Variants in HIGD1A observed in about 807,000 individuals in gnomAD.
HIGD1A encodes HIG1 domain family member 1A, mitochondrial.
In HIGD1A, 8 loss-of-function variants were observed where a neutral mutation model predicts 11.3. The ratio of observed to expected loss-of-function variants is 0.71; its 90% CI spans 0.42 to 1.28. The LOEUF is 1.28. Among genes scored for constraint, HIGD1A ranks in the 50% most tolerant of loss-of-function variants. The probability of loss-of-function intolerance (pLI) is 0.01; values close to 1 mark genes in which losing one functional copy is unlikely to be tolerated. For missense variants in HIGD1A, 107 were observed against 118.8 expected (o/e 0.90, Z 0.46); for synonymous variants, 32 against 38.4 (o/e 0.83, Z 0.62).
intron 2 of HIGD1A, among the ~76,000 whole-genome samples, chr3:42,792,315 C>T (rs1700429989): frequency 6.6e-6 from 1 of 152,002 alleles, no homozygotes; most frequent in South Asian, 2.1e-4. Context: ...AAATTTCTAC[C>T]AAGAGGATTA....
intron 2 of HIGD1A, among the ~76,000 whole-genome samples, chr3:42,787,601 A>AG (rs1416040220): frequency 2.8e-5 from 4 of 140,818 alleles, no homozygotes; most frequent in African/African-American, 1.0e-4. Context: ...AAAAATATAT[A>AG]TATATATATA....
intron 2 of HIGD1A, among the ~76,000 whole-genome samples, chr3:42,790,071 T>C (rs1222860435): frequency 1.3e-5 from 2 of 152,104 alleles, no homozygotes; most frequent in African/African-American, 4.8e-5. Flanking sequence ...AAGTTCCCTT[T>C]AAAGATCAGA....
intron 1 of HIGD1A, among the ~76,000 whole-genome samples, chr3:42,800,835 A>G (rs1700548551): frequency 6.6e-6 from 1 of 152,106 alleles, no homozygotes; most frequent in Non-Finnish European, 1.5e-5. Context: ...GTCCTTTAAA[A>G]AAAAAAAAAG....
intron 2 of HIGD1A, among the ~76,000 whole-genome samples, chr3:42,792,325 A>G (rs567111990): frequency 6.6e-6 from 1 of 152,358 alleles, no homozygotes; most frequent in South Asian, 2.1e-4. Context: ...CAAGAGGATT[A>G]TAATAATGTT....
At chr3:42,793,547 T>C (rs1294406912) in intron 2 of HIGD1A, among the ~76,000 whole-genome samples, 1 of 152,266 alleles carries the variant, frequency 6.6e-6, no homozygotes, top group Non-Finnish European at 1.5e-5. Context: ...CTTTAACCTA[T>C]ATCCCATTGC....
chr3:42,794,338 A>C (rs1559677195), intron 1 of HIGD1A, 63 bp from the exon 2 acceptor site: 6 of 1,404,338 alleles, frequency 4.3e-6, no homozygotes, highest in Non-Finnish European at 1.9e-6. Context: ...AAATATCTGG[A>C]TGTATTTAAA....
chr3:42,785,432 A>T, intron 3 of HIGD1A, 112 bp from the exon 4 acceptor site: 1 of 806,964 alleles, frequency 1.2e-6, no homozygotes, highest in South Asian at 1.6e-5. Context: ...TGGAATATTT[A>T]CAAGGGGAAT....
intron 2 of HIGD1A, among the ~76,000 whole-genome samples, chr3:42,789,319 A>T (rs1178608687): frequency 1.3e-5 from 2 of 152,196 alleles, no homozygotes; most frequent in East Asian, 3.9e-4. Flanking sequence ...CTGGGATTAT[A>T]GGTGTGAACC....
At chr3:42,796,883 T>TGG (rs1432275468) in intron 1 of HIGD1A, among the ~76,000 whole-genome samples, 1 of 676 alleles carries the variant, frequency 1.5e-3, no homozygotes, top group African/African-American at 1.5e-3. Context: ...ATAACTTCCG[T>TGG]CCCTCTCCCT....
intron 1 of HIGD1A, among the ~76,000 whole-genome samples, chr3:42,796,108 G>A (rs533124391): frequency 6.6e-6 from 1 of 152,262 alleles, no homozygotes; most frequent in South Asian, 2.1e-4. Flanking sequence ...GGGAGTCAGT[G>A]GCAGTTAAGG....
chr3:42,785,681 A>G (rs1012043744), intron 3 of HIGD1A, among the ~76,000 whole-genome samples: 2 of 152,232 alleles, frequency 1.3e-5, no homozygotes, highest in Non-Finnish European at 2.9e-5. Context: ...TGTAATACCT[A>G]AACTTTAAGA....
At chr3:42,793,260 C>T (rs1345127009) in intron 2 of HIGD1A, among the ~76,000 whole-genome samples, 5 of 152,074 alleles carry the variant, frequency 3.3e-5, no homozygotes, top group Non-Finnish European at 7.4e-5. Context: ...GTTTTAACTG[C>T]ATATTAAATG....
intron 2 of HIGD1A, among the ~76,000 whole-genome samples, chr3:42,789,089 G>C (rs1297769333): frequency 8.0e-6 from 1 of 124,358 alleles, no homozygotes; most frequent in African/African-American, 3.1e-5. Context: ...CACCCAGGCT[G>C]GAGTGCAGTG....
chr3:42,787,798 C>G (rs1437604648), intron 2 of HIGD1A, among the ~76,000 whole-genome samples: 1 of 150,328 alleles, frequency 6.7e-6, no homozygotes. Context: ...CAGAATTGCA[C>G]GGCACCATTA....
At chr3:42,788,734 C>A (rs1278537770) in intron 2 of HIGD1A, among the ~76,000 whole-genome samples, 2 of 151,736 alleles carry the variant, frequency 1.3e-5, no homozygotes, top group Non-Finnish European at 2.9e-5. Flanking sequence ...ACACAAAAAT[C>A]AGCCTGGTGT....
At chr3:42,791,487 A>G (rs13061576) in intron 2 of HIGD1A, among the ~76,000 whole-genome samples, 26,485 of 152,260 alleles carry the variant, frequency 0.17, 2,460 homozygotes, top group South Asian at 0.26. Context: ...AAAGATGCTC[A>G]AAGAATGATA....
Position 42,800,831 on chromosome 3 carries a change from T to TA in HIGD1A, c.-23+3604dup, listed in dbSNP as rs35928474. 6.3e-3 allele frequency among the ~76,000 whole-genome samples: 906 copies of TA among 144,702 alleles called. 7 individuals are homozygous for TA. The highest frequency in any genetic ancestry group is 0.02 in the African/African-American group (797 of 39,634). 94.9% of individuals were successfully genotyped at this position (144,702 alleles called of 152,430 possible). A position where few individuals can be genotyped will look rare whatever the true frequency, so the allele number is the denominator to read the frequency against. ...GCTCTTATGAGATGACCCGGTCCTTTAAAAAAAAAAAAAGTATCTCCGTTT... is the reference window on the plus strand; with the variant it reads ...GCTCTTATGAGATGACCCGGTCCTTTAAAAAAAAAAAAAAGTATCTCCGTTT... On this transcript the variant is annotated intron_variant, in intron 1 of 3. Transcript: ENST00000321331.
chr3:42,795,733 AAAAGGATTCATTTTCATT>A, intron 1 of HIGD1A, among the ~76,000 whole-genome samples: 1 of 152,012 alleles, frequency 6.6e-6, no homozygotes, highest in Non-Finnish European at 1.5e-5. Context: ...GAAAAAAAAA[AAAAGGATTCATTTTCATT>A]ATCACAGGGA....
intron 2 of HIGD1A, 60 bp from the exon 3 acceptor site, chr3:42,786,222 A>G: frequency 6.5e-7 from 1 of 1,536,948 alleles, no homozygotes; most frequent in East Asian, 2.3e-5. Flanking sequence ...TGACTTTACC[A>G]TCAGTCAATG....
Sources: allele counts gnomAD v4.1 joint callset (sites outside exome capture counted in the v4.1 genomes callset), GRCh38; gene constraint gnomAD v4.1.1; transcripts MANE v1.5; gene names NCBI Gene and HGNC (gene_info 2026-07-23, HGNC 2026-07-21).